PBLD: variants seen among roughly 807,000 people sequenced by gnomAD.
PBLD encodes phenazine biosynthesis like protein domain containing, also known as phenazine biosynthesis-like domain-containing protein.
In PBLD, 26 loss-of-function variants were observed where a neutral mutation model predicts 31.3. That is an observed-to-expected ratio of 0.83 (90% CI 0.61 to 1.15). PBLD has a LOEUF of 1.15. PBLD is among the 50% of genes most tolerant of loss of function. The pLI is 0.00. For missense variants in PBLD, 307 were observed against 351.7 expected (o/e 0.87, Z 1.02); for synonymous variants, 114 against 129.0 (o/e 0.88, Z 0.79).
chr10:68,316,572 C>T (rs1241344908), intron 1 of PBLD, among the ~76,000 whole-genome samples: 1 of 152,108 alleles, frequency 6.6e-6, no homozygotes, highest in Non-Finnish European at 1.5e-5. Context: ...AGAGAAATTA[C>T]TCGAAGAAAT....
chr10:68,299,445 C>T (rs550016954), intron 2 of PBLD, among the ~76,000 whole-genome samples: 92 of 152,204 alleles, frequency 6.0e-4, no homozygotes, highest in African/African-American at 2.1e-3. Flanking sequence ...CCAAATTAAA[C>T]ACTCTTGTCT....
chr10:68,288,957 G>A lies in PBLD; in HGVS notation c.486C>T (p.Leu162=), dbSNP rs1290747837. 7 of 1,614,056 alleles carry A rather than the reference G, an allele frequency of 4.3e-6. No homozygotes were observed. The highest frequency in any genetic ancestry group is 1.7e-5 in the Admixed American group (1 of 59,998). ...ICYSPDTQKL[L]VRLSDVYNRS... Reference sequence around the variant, plus strand: ...TGTTGTAAACGTCACTGAGGCGGACGAGGAGCTTTTGGGTATCTGGAGAAT... The same window carrying A: ...TGTTGTAAACGTCACTGAGGCGGACAAGGAGCTTTTGGGTATCTGGAGAAT... Residue 162 remains leucine, a synonymous_variant, in exon 7 of 10, where the codon CTC becomes CTT. Coordinates refer to ENST00000358769, the MANE Select transcript of PBLD (RefSeq NM_022129.4).
At chr10:68,325,475 G>A (rs1470094937) in intron 1 of PBLD, among the ~76,000 whole-genome samples, 3 of 152,140 alleles carry the variant, frequency 2.0e-5, no homozygotes, top group Non-Finnish European at 4.4e-5. Context: ...TAAGGCAGGA[G>A]AATCACCTGA....
At chr10:68,307,371 T>A (rs1286982693) in intron 1 of PBLD, among the ~76,000 whole-genome samples, 2 of 152,202 alleles carry the variant, frequency 1.3e-5, no homozygotes, top group Admixed American at 6.5e-5. Flanking sequence ...AAATTCATTT[T>A]AAAATACTGG....
intron 1 of PBLD, among the ~76,000 whole-genome samples, chr10:68,328,615 A>G (rs7098457): frequency 0.023 from 3,455 of 152,284 alleles, 128 homozygotes; most frequent in African/African-American, 0.079. Flanking sequence ...GATGAAAAGG[A>G]AGACAAAGAG....
intron 8 of PBLD, among the ~76,000 whole-genome samples, chr10:68,285,667 A>C (rs80326649): frequency 0.12 from 18,831 of 151,660 alleles, 1,589 homozygotes; most frequent in South Asian, 0.25. Context: ...TTTTCTTTTT[A>C]TTTTATTTTA....
At chr10:68,301,837 C>G (rs2044509915) in intron 2 of PBLD, among the ~76,000 whole-genome samples, 2 of 152,246 alleles carry the variant, frequency 1.3e-5, no homozygotes, top group Non-Finnish European at 2.9e-5. Flanking sequence ...CTTTAATCCT[C>G]TCTACCTTGG....
chr10:68,300,942 G>A (rs1006356052), intron 2 of PBLD, among the ~76,000 whole-genome samples: 13 of 152,138 alleles, frequency 8.5e-5, no homozygotes, highest in African/African-American at 2.9e-4. Flanking sequence ...CTGTCACCCA[G>A]GCTGGAGTGC....
intron 1 of PBLD, among the ~76,000 whole-genome samples, chr10:68,313,213 C>G (rs1435259918): frequency 6.6e-6 from 1 of 152,134 alleles, no homozygotes; most frequent in Non-Finnish European, 1.5e-5. Flanking sequence ...ACGTGCCGGG[C>G]CGAGTTTCTT....
At chr10:68,317,825 AT>A (rs1285751746) in intron 1 of PBLD, among the ~76,000 whole-genome samples, 1 of 151,912 alleles carries the variant, frequency 6.6e-6, no homozygotes, top group Non-Finnish European at 1.5e-5. Context: ...AACAAAAAAA[AT>A]GTAGAGATTT....
intron 2 of PBLD, among the ~76,000 whole-genome samples, chr10:68,297,308 A>G (rs891771994): frequency 2.6e-5 from 4 of 152,172 alleles, no homozygotes; most frequent in African/African-American, 9.7e-5. Context: ...TCTCCACACA[A>G]GGAAGTACCC....
intron 1 of PBLD, among the ~76,000 whole-genome samples, chr10:68,326,418 A>G (rs542782559): frequency 6.6e-6 from 1 of 152,328 alleles, no homozygotes; most frequent in African/African-American, 2.4e-5. Flanking sequence ...ATCAATTTCC[A>G]TTTATTAATA....
chr10:68,309,406 C>CAAAA (rs58152894), intron 1 of PBLD, among the ~76,000 whole-genome samples: 2 of 114,712 alleles, frequency 1.7e-5, no homozygotes, highest in East Asian at 3.9e-4. Flanking sequence ...GATTATGTTT[C>CAAAA]AAAAAAAAAA....
chr10:68,297,864 T>A (rs1227092822), intron 2 of PBLD, among the ~76,000 whole-genome samples: 1 of 151,636 alleles, frequency 6.6e-6, no homozygotes, highest in Non-Finnish European at 1.5e-5. Flanking sequence ...CCCAGCACTT[T>A]GGGAGGCTGA....
chr10:68,299,068 C>G (rs982761007), intron 2 of PBLD, among the ~76,000 whole-genome samples: 5 of 130,236 alleles, frequency 3.8e-5, no homozygotes, highest in Middle Eastern at 9.3e-3. Context: ...GATCGCGCCA[C>G]TGCACTCCAG....
chr10:68,322,251 G>A (rs2044845881), intron 1 of PBLD, among the ~76,000 whole-genome samples: 1 of 152,160 alleles, frequency 6.6e-6, no homozygotes, highest in African/African-American at 2.4e-5. Flanking sequence ...ACCAGCAGAT[G>A]CTAAGGAGAC....
At chr10:68,291,505 G>T (rs2044357911) in intron 6 of PBLD, among the ~76,000 whole-genome samples, 1 of 152,040 alleles carries the variant, frequency 6.6e-6, no homozygotes, top group African/African-American at 2.4e-5. Flanking sequence ...ACTGACAGCT[G>T]CCAGGAAGGT....
chr10:68,285,420 A>G lies in PBLD; in HGVS notation c.692-10T>C, dbSNP rs372441253. 16 of 1,591,248 alleles carry G rather than the reference A, an allele frequency of 1.0e-5. No individual in the cohort carries two copies. In the South Asian group the frequency reaches 1.9e-4, roughly 18 times the overall value. Reference sequence around the variant, plus strand: ...ACAGCGTGTGCAGACCCTCAAAAGAAGTGAAAAGTTAGGAGACAATCCCCA... The same window carrying G: ...ACAGCGTGTGCAGACCCTCAAAAGAGGTGAAAAGTTAGGAGACAATCCCCA... On this transcript the variant is annotated splice_polypyrimidine_tract_variant and intron_variant, in intron 8 of 9. Transcript: ENST00000358769.
chr10:68,305,982 C>T (rs187244014), intron 2 of PBLD, among the ~76,000 whole-genome samples: 1 of 152,224 alleles, frequency 6.6e-6, no homozygotes, highest in East Asian at 1.9e-4. Context: ...TTCAGATAAT[C>T]TACTCTTGTG....
Sources: gnomAD v4.1 joint callset for allele counts (sites outside exome capture counted in the v4.1 genomes callset) on GRCh38, gnomAD v4.1.1 for gene constraint, MANE v1.5 for transcripts, NCBI Gene and HGNC (gene_info 2026-07-23, HGNC 2026-07-21) for gene names.